The following NRG3 variants were observed in gnomAD, a reference collection of about 807,000 sequenced individuals.
The protein encoded by NRG3 is pro-neuregulin-3, membrane-bound isoform.
Under a neutral mutation model 66.9 loss-of-function variants are expected in NRG3, and 31 were observed. That is an observed-to-expected ratio of 0.46 (90% CI 0.35 to 0.63). The LOEUF (loss-of-function observed/expected upper bound fraction) is 0.63, where lower values mean the gene tolerates loss of function less well. NRG3 is among the 20% of genes least tolerant of loss of function. NRG3 has a pLI of 0.00. For synonymous variants in NRG3, 393 were observed against 359.4 expected, an observed-to-expected ratio of 1.09 and a Z score of -1.06; for missense variants, 910 against 878.9, an observed-to-expected ratio of 1.04 and a Z score of -0.45.
intron 1 of NRG3, among the ~76,000 whole-genome samples, chr10:82,040,970 T>C (rs1430513607): frequency 2.6e-5 from 4 of 152,102 alleles, no homozygotes; most frequent in African/African-American, 9.7e-5. Flanking sequence ...CTCAGTGTTA[T>C]GATGTATCAT....
intron 4 of NRG3, among the ~76,000 whole-genome samples, chr10:82,920,718 C>T (rs1048444746): frequency 4.6e-5 from 7 of 151,942 alleles, no homozygotes; most frequent in Non-Finnish European, 4.4e-5. Context: ...ATAAAAAATG[C>T]TAAAAAAATG....
rs149440969 is a variant in NRG3 at position 82,852,715 on chromosome 10, C to T, written c.1028-12696C>T. Reference sequence around the variant, plus strand: ...ATGTAAAATTAGAAATTTCTAAATTCATCCATACGTAGCTTCTGACATCTG... The same window carrying T: ...ATGTAAAATTAGAAATTTCTAAATTTATCCATACGTAGCTTCTGACATCTG... On this transcript the variant is annotated intron_variant, in intron 3 of 8. Coordinates refer to ENST00000372141, the MANE Select transcript of NRG3 (RefSeq NM_001010848.4). Among the ~76,000 whole-genome samples, 515 of 152,270 alleles carry T rather than the reference C, an allele frequency of 3.4e-3. 5 individuals are homozygous for T. The highest frequency in any genetic ancestry group is 0.012 in the African/African-American group (495 of 41,544).
chr10:81,998,652 A>G (rs1240670373), intron 1 of NRG3, among the ~76,000 whole-genome samples: 1 of 152,196 alleles, frequency 6.6e-6, no homozygotes, highest in Admixed American at 6.5e-5. Context: ...ATGTGATAAA[A>G]CAACGTGTGT....
chr10:82,923,711 C>A (rs1392857743), intron 4 of NRG3, among the ~76,000 whole-genome samples: 1 of 151,052 alleles, frequency 6.6e-6, no homozygotes, highest in Admixed American at 6.6e-5. Context: ...CTTTTTTTTT[C>A]TTGTTTAAGT....
At chr10:81,951,369 A>T (rs1051558363) in intron 1 of NRG3, among the ~76,000 whole-genome samples, 1 of 152,184 alleles carries the variant, frequency 6.6e-6, no homozygotes, top group Non-Finnish European at 1.5e-5. Flanking sequence ...CAAAACAGAA[A>T]CAAATTAGGT....
At chr10:82,335,658 GA>G (rs2082350480) in intron 1 of NRG3, among the ~76,000 whole-genome samples, 1 of 151,754 alleles carries the variant, frequency 6.6e-6, no homozygotes, top group South Asian at 2.1e-4. Context: ...CAAACACAAA[GA>G]AAAACAAACA....
At chr10:82,865,478 C>T in intron 4 of NRG3, 41 bp downstream of exon 4, 1 of 1,595,302 alleles carries the variant, frequency 6.3e-7, no homozygotes, top group Non-Finnish European at 8.6e-7. Flanking sequence ...CCTGGAAATG[C>T]TAAGCTTTAT....
At chr10:82,639,545 A>G (rs1044770308) in intron 2 of NRG3, among the ~76,000 whole-genome samples, 8 of 152,202 alleles carry the variant, frequency 5.3e-5, no homozygotes, top group African/African-American at 1.7e-4. Flanking sequence ...AATAAAGACA[A>G]TGGGATATTT....
chr10:81,959,040 A>G (rs1850104279), intron 1 of NRG3, among the ~76,000 whole-genome samples: 1 of 152,216 alleles, frequency 6.6e-6, no homozygotes, highest in Non-Finnish European at 1.5e-5. Context: ...TTTCAGAAAC[A>G]GTGGTGTAGT....
chr10:82,156,175 T>C (rs1235442952), intron 1 of NRG3, among the ~76,000 whole-genome samples: 1 of 151,614 alleles, frequency 6.6e-6, no homozygotes, highest in African/African-American at 2.4e-5. Flanking sequence ...AATTTCACTT[T>C]CTGATTTCTC....
intron 1 of NRG3, among the ~76,000 whole-genome samples, chr10:82,018,504 G>A (rs560977249): frequency 7.2e-5 from 11 of 152,242 alleles, no homozygotes; most frequent in East Asian, 1.9e-4. Flanking sequence ...GGATGGCATC[G>A]AATCTATAAA....
intron 2 of NRG3, among the ~76,000 whole-genome samples, chr10:82,523,587 A>T (rs1846412271): frequency 6.6e-6 from 1 of 151,720 alleles, no homozygotes; most frequent in African/African-American, 2.4e-5. Flanking sequence ...TTTTTTCATT[A>T]TTGAACTGCA....
At chr10:82,014,400 T>C (rs1325297474) in intron 1 of NRG3, among the ~76,000 whole-genome samples, 5 of 152,168 alleles carry the variant, frequency 3.3e-5, no homozygotes, top group African/African-American at 1.2e-4. Flanking sequence ...TTACATGGAA[T>C]TGGTGTTTTT....
rs144853085 is a variant in NRG3 at position 82,181,841 on chromosome 10, A to C, written c.824-176898A>C. On this transcript the variant is annotated intron_variant, in intron 1 of 8. Transcript: ENST00000372141. ...TGTCTGAATGTTCTGGCCATTATTG[A>C]AAGTGGGTATTGAAAGGTTCTACTG... 2.0e-3 allele frequency among the ~76,000 whole-genome samples: 301 copies of C among 151,892 alleles called. 3 individuals are homozygous for C. The highest frequency in any genetic ancestry group is 6.7e-3 in the African/African-American group (277 of 41,522).
chr10:82,474,237 G>C (rs1430244526), intron 2 of NRG3, among the ~76,000 whole-genome samples: 1 of 151,614 alleles, frequency 6.6e-6, no homozygotes, highest in Non-Finnish European at 1.5e-5. Flanking sequence ...CCATTCAAAG[G>C]AAAAAACAAA....
chr10:82,983,380 T>A (rs764115458), intron 8 of NRG3, among the ~76,000 whole-genome samples: 1 of 152,252 alleles, frequency 6.6e-6, no homozygotes, highest in Non-Finnish European at 1.5e-5. Flanking sequence ...ATTTCTCATA[T>A]AACACTAATG....
intron 1 of NRG3, among the ~76,000 whole-genome samples, chr10:82,169,740 T>C (rs2072411621): frequency 1.3e-5 from 2 of 151,856 alleles, no homozygotes; most frequent in Admixed American, 6.6e-5. Context: ...ATTCATTTAT[T>C]TTTATTCTCT....
At chr10:82,259,753 C>A (rs1205565309) in intron 1 of NRG3, among the ~76,000 whole-genome samples, 2 of 151,970 alleles carry the variant, frequency 1.3e-5, no homozygotes, top group African/African-American at 4.8e-5. Context: ...CATAGTGAGA[C>A]CTTATGTCTA....
intron 4 of NRG3, among the ~76,000 whole-genome samples, chr10:82,892,825 G>A (rs1399786283): frequency 1.3e-5 from 2 of 151,624 alleles, no homozygotes; most frequent in Non-Finnish European, 2.9e-5. Context: ...ATAAAATTAA[G>A]GAAAGTTTAT....
Sources: gnomAD v4.1 joint callset for allele counts (sites outside exome capture counted in the v4.1 genomes callset) on GRCh38, gnomAD v4.1.1 for gene constraint, MANE v1.5 for transcripts, NCBI Gene and HGNC (gene_info 2026-07-23, HGNC 2026-07-21) for gene names.